HIPK3: variants seen among roughly 807,000 people sequenced by gnomAD.
HIPK3 encodes homeodomain-interacting protein kinase 3.
In HIPK3, 47 loss-of-function variants were observed where a neutral mutation model predicts 124.2. The ratio of observed to expected loss-of-function variants is 0.38; its 90% CI spans 0.30 to 0.48. HIPK3 has a LOEUF of 0.48. Ranked by LOEUF, HIPK3 falls within the 20% of genes least tolerant of loss-of-function variation. The probability of loss-of-function intolerance (pLI) is 0.98; values close to 1 mark genes in which losing one functional copy is unlikely to be tolerated. For synonymous variants in HIPK3, 482 were observed against 515.2 expected (o/e 0.94, Z 0.87); for missense variants, 1,286 against 1,454.3 (o/e 0.88, Z 1.88).
intron 2 of HIPK3, among the ~76,000 whole-genome samples, chr11:33,293,965 G>A (rs1183130648): frequency 2.6e-5 from 4 of 152,020 alleles, no homozygotes; most frequent in Non-Finnish European, 1.5e-5. Context: ...TCAGGAGTTC[G>A]AGTCCAGCCT....
At chr11:33,307,838 C>T (rs191185409) in intron 2 of HIPK3, among the ~76,000 whole-genome samples, 1,556 of 151,668 alleles carry the variant, frequency 0.01, 8 homozygotes, top group Non-Finnish European at 0.015. Flanking sequence ...TGGGAAAATA[C>T]CTTCAATTTT....
intron 2 of HIPK3, among the ~76,000 whole-genome samples, chr11:33,290,296 T>C (rs1027442308): frequency 1.3e-5 from 2 of 152,202 alleles, no homozygotes; most frequent in African/African-American, 4.8e-5. Context: ...TAATTAGATT[T>C]ATTAGATATC....
intron 12 of HIPK3, 139 bp downstream of exon 12, chr11:33,348,367 T>G: frequency 9.8e-7 from 1 of 1,016,528 alleles, no homozygotes; most frequent in Admixed American, 2.8e-5. Flanking sequence ...TCTAGAGCTA[T>G]TTTATATTTC....
At chr11:33,273,367 C>T (rs981387688) in intron 1 of HIPK3, among the ~76,000 whole-genome samples, 18 of 151,672 alleles carry the variant, frequency 1.2e-4, no homozygotes, top group Non-Finnish European at 7.4e-5. Context: ...ATTAGCCAGG[C>T]GTGTGGTGGC....
At chr11:33,306,160 T>G (rs1359531315) in intron 2 of HIPK3, among the ~76,000 whole-genome samples, 1 of 152,198 alleles carries the variant, frequency 6.6e-6, no homozygotes, top group East Asian at 1.9e-4. Flanking sequence ...ATATCAACAT[T>G]TATAGATAAC....
rs1853172812 is a variant in HIPK3 at position 33,337,116 on chromosome 11, G to C, written c.1263G>C (p.Gln421His). ...ISQTQGLPGE[Q>H]LLNVGTKSTR... ...AGACTCAAGGTTTGCCAGGAGAACAGTTGTTAAATGTGGGTACTAAATCCA... is the reference window on the plus strand; with the variant it reads ...AGACTCAAGGTTTGCCAGGAGAACACTTGTTAAATGTGGGTACTAAATCCA... Residue 421 changes from glutamine (Q) to histidine (H), a missense_variant, in exon 4 of 17, where the codon CAG becomes CAC. Gln to His is a conservative substitution (Grantham distance 24, BLOSUM62 0). Coordinates refer to ENST00000303296, the MANE Select transcript of HIPK3 (RefSeq NM_005734.5). 2 of 1,599,106 alleles carry C rather than the reference G, an allele frequency of 1.3e-6. No homozygotes were observed. The highest frequency in any genetic ancestry group is 1.7e-5 in the Admixed American group (1 of 59,226).
At chr11:33,324,418 G>T (rs192351052) in intron 2 of HIPK3, among the ~76,000 whole-genome samples, 2 of 152,176 alleles carry the variant, frequency 1.3e-5, no homozygotes, top group African/African-American at 2.4e-5. Context: ...GGTCTTGTTT[G>T]TAGGGGACTT....
chr11:33,317,790 G>A (rs1590395381), intron 2 of HIPK3, among the ~76,000 whole-genome samples: 1 of 152,096 alleles, frequency 6.6e-6, no homozygotes, highest in African/African-American at 2.4e-5. Flanking sequence ...AAGTATAGGG[G>A]TTTAACTTGT....
intron 1 of HIPK3, among the ~76,000 whole-genome samples, chr11:33,259,755 T>G (rs1850774584): frequency 6.6e-6 from 1 of 151,836 alleles, no homozygotes; most frequent in East Asian, 1.9e-4. Context: ...TTTTTTTTTG[T>G]ACTTATGGAA....
chr11:33,331,063 A>G (rs266489), intron 3 of HIPK3, among the ~76,000 whole-genome samples: 2,146 of 151,834 alleles, frequency 0.014, 56 homozygotes, highest in African/African-American at 0.049. Flanking sequence ...TTTTATTTTT[A>G]GTAGAGATGG....
rs148661260 is a variant in HIPK3, at chr11:33,327,656, G to T, written c.1098-854G>T. On this transcript the variant is annotated intron_variant, in intron 2 of 16. Coordinates refer to ENST00000303296, the MANE Select transcript of HIPK3 (RefSeq NM_005734.5). ...TATAAAGTATACAGATATTTGGCAA[G>T]TTATTCTCGGGTGATTTAAGGAAAA... Among the ~76,000 whole-genome samples, 52 of 152,276 alleles carry T rather than the reference G, an allele frequency of 3.4e-4. No homozygotes were observed. The East Asian group carries it at 9.6e-3, about 28-fold the overall frequency.
chr11:33,339,545 T>C lies in HIPK3; in HGVS notation c.1613+11T>C. 6.5e-7 allele frequency: 1 copy of C among 1,541,746 alleles called. No individual in the cohort carries two copies. Among genetic ancestry groups the C allele is most frequent in the Non-Finnish European group, 8.9e-7 (1 of 1,128,180 alleles). On this transcript the variant is annotated intron_variant, in intron 6 of 16. Coordinates refer to ENST00000303296, the MANE Select transcript of HIPK3 (RefSeq NM_005734.5). ...CCCTCATAGCAACCAGTATGTTACT[T>C]TAAGATCTTTTAAAGTGGTTCTAAA... is the stretch of plus-strand genomic sequence containing the variant.
intron 4 of HIPK3, 51 bp from the exon 5 acceptor site, chr11:33,338,706 A>T: frequency 8.2e-7 from 1 of 1,214,726 alleles, no homozygotes. Flanking sequence ...TGCCAGGATT[A>T]AAGAAATTTG....
At chr11:33,341,792 T>A in intron 8 of HIPK3, 106 bp downstream of exon 8, 1 of 1,065,448 alleles carries the variant, frequency 9.4e-7, no homozygotes, top group Non-Finnish European at 1.3e-6. Context: ...CTGCATTTAG[T>A]GCTACATTTG....
At position 33,341,198 on chromosome 11, in the gene HIPK3, C is replaced by G. The variant is rs571387397; in HGVS notation, c.1773+71C>G. ...TTGCGCATTTTACTTTTGATATATACAGAAGTTTGGTGTCAGTTGTTAGAA... is the reference window on the plus strand; with the variant it reads ...TTGCGCATTTTACTTTTGATATATAGAGAAGTTTGGTGTCAGTTGTTAGAA... On this transcript the variant is annotated intron_variant, in intron 7 of 16. Coordinates refer to ENST00000303296, the MANE Select transcript of HIPK3 (RefSeq NM_005734.5). 5.4e-5 allele frequency: 61 copies of G among 1,131,458 alleles called. No homozygotes were observed. In the African/African-American group the frequency reaches 8.3e-4, roughly 15 times the overall value. 70.1% of individuals were successfully genotyped at this position (1,131,458 alleles called of 1,614,324 possible).
At position 33,347,358 on chromosome 11, in the gene HIPK3, G is replaced by A; in HGVS notation, c.1963G>A (p.Val655Ile). 1 of 1,613,960 alleles carries A rather than the reference G, an allele frequency of 6.2e-7. No individual in the cohort carries two copies. Among genetic ancestry groups the A allele is most frequent in the Non-Finnish European group, 8.5e-7 (1 of 1,179,892 alleles). Residue 655 changes from valine (V) to isoleucine (I), a missense_variant, in exon 9 of 17, where the codon GTA becomes ATA. This residue lies in a region of HIPK3 where 810 missense variants were observed against 864.9 expected (regional missense o/e 0.94). Coordinates refer to ENST00000303296, the MANE Select transcript of HIPK3 (RefSeq NM_005734.5). ...AAGGGTAGATAATACAGTTCCACTT[G>A]TAACTCAGGCCCCAGCTGTGCAGCC... ...SIRVDNTVPLVTQAPAVQPLQ... is the reference protein window; with the variant it reads ...SIRVDNTVPLITQAPAVQPLQ...
At chr11:33,339,149 C>G (rs535531701) in intron 5 of HIPK3, among the ~76,000 whole-genome samples, 1 of 152,238 alleles carries the variant, frequency 6.6e-6, no homozygotes, top group South Asian at 2.1e-4. Flanking sequence ...TTAAAAACTT[C>G]TTTTATGCTT....
chr11:33,268,591 C>CAAAAAAAAAAAAAAAAAAAAA (rs35408664), intron 1 of HIPK3, among the ~76,000 whole-genome samples: 2 of 76,036 alleles, frequency 2.6e-5, no homozygotes, highest in Non-Finnish European at 5.0e-5. Context: ...ACTCCGTCAC[C>CAAAAAAAAAAAAAAAAAAAAA]AAAAAAAAAA....
intron 1 of HIPK3, among the ~76,000 whole-genome samples, chr11:33,270,097 C>T (rs1851082087): frequency 6.6e-6 from 1 of 152,170 alleles, no homozygotes; most frequent in Non-Finnish European, 1.5e-5. Flanking sequence ...TCTGCCTCAG[C>T]TTCCCGAGTA....
Sources: allele counts gnomAD v4.1 joint callset (sites outside exome capture counted in the v4.1 genomes callset), GRCh38; gene constraint gnomAD v4.1.1; regional missense constraint gnomAD v4.1.1; transcripts MANE v1.5; gene names NCBI Gene and HGNC (gene_info 2026-07-23, HGNC 2026-07-21).